The following SETBP1 variants were observed in gnomAD, a reference collection of about 807,000 sequenced individuals.
SETBP1 encodes the protein SET-binding protein.
In SETBP1, 9 loss-of-function variants were observed where a neutral mutation model predicts 101.0. The observed-to-expected ratio is 0.09, with a 90% CI of 0.05 to 0.16. SETBP1 has a LOEUF of 0.16. SETBP1 is among the 10% of genes least tolerant of loss of function. The pLI, the probability that SETBP1 is intolerant of heterozygous loss-of-function variation, is 1.00. For synonymous variants in SETBP1, 818 were observed against 788.5 expected (o/e 1.04, Z -0.63); for missense variants, 1,858 against 2,033.8 (o/e 0.91, Z 1.66).
chr18:44,931,766 G>T (rs916089239), intron 3 of SETBP1, among the ~76,000 whole-genome samples: 1 of 152,098 alleles, frequency 6.6e-6, no homozygotes, highest in Admixed American at 6.5e-5. Flanking sequence ...TGCAACCCCT[G>T]CTTTTTTTTG....
chr18:44,951,338 C>A lies in SETBP1; in HGVS notation c.1998C>A (p.Ile666=). The A allele has an allele frequency of 6.2e-7, 1 of 1,613,830 alleles. No individual in the cohort carries two copies. The highest frequency in any genetic ancestry group is 8.5e-7 in the Non-Finnish European group (1 of 1,180,018). The change falls in exon 4 of 6, where the codon ATC becomes ATA. Residue 666 remains isoleucine, a synonymous_variant. Coordinates refer to ENST00000649279, the MANE Select transcript of SETBP1 (RefSeq NM_015559.3). This position sits in a 1 kb window ranked among gnomAD's most constrained non-coding sequence, Gnocchi z 7.8. ...TGGATAAGAAGACCATCAAAACTATCAATAAGATGAAGACACTCAAGAGGA... is the reference window on the plus strand; with the variant it reads ...TGGATAAGAAGACCATCAAAACTATAAATAAGATGAAGACACTCAAGAGGA... ...GVLDKKTIKT[I]NKMKTLKRKN...
At chr18:45,020,293 A>G (rs867469725) in intron 4 of SETBP1, among the ~76,000 whole-genome samples, 69 of 133,970 alleles carry the variant, frequency 5.2e-4, no homozygotes, top group African/African-American at 2.0e-3. Context: ...AAAAAAAAAA[A>G]AAGTGGCTTC....
chr18:44,872,726 G>A lies in SETBP1; in HGVS notation c.540+3443G>A, dbSNP rs574311516. 2.2e-4 allele frequency among the ~76,000 whole-genome samples: 33 copies of A among 152,348 alleles called. No homozygotes were observed. The South Asian group carries it at 6.4e-3, about 30-fold the overall frequency. The stretch of plus-strand genomic sequence containing the variant: ...TAAACTTTGCAGTAAAGTGCCTGTG[G>A]GTGATGCCCACGTGCTTGTGCACAT... On this transcript the variant is annotated intron_variant, in intron 3 of 5. Coordinates refer to ENST00000649279, the MANE Select transcript of SETBP1 (RefSeq NM_015559.3).
At chr18:44,704,928 C>A (rs917936131) in intron 2 of SETBP1, among the ~76,000 whole-genome samples, 6 of 152,148 alleles carry the variant, frequency 3.9e-5, no homozygotes, top group African/African-American at 1.4e-4. Flanking sequence ...GAAGCAGGTC[C>A]TACACTAGGA....
At chr18:44,847,556 G>A (rs908782296) in intron 2 of SETBP1, among the ~76,000 whole-genome samples, 2 of 152,172 alleles carry the variant, frequency 1.3e-5, no homozygotes, top group Non-Finnish European at 2.9e-5. Flanking sequence ...ACAAAGTAGA[G>A]CTCCCTGATG....
chr18:44,882,968 A>G (rs558757987), intron 3 of SETBP1, among the ~76,000 whole-genome samples: 7 of 152,272 alleles, frequency 4.6e-5, no homozygotes. Context: ...TCCTGCACAC[A>G]CTGGGGACAG....
At chr18:44,915,855 G>A (rs1221060659) in intron 3 of SETBP1, among the ~76,000 whole-genome samples, 1 of 152,196 alleles carries the variant, frequency 6.6e-6, no homozygotes, top group African/African-American at 2.4e-5. Context: ...CAGGGCAGGG[G>A]CAAAGAGACT....
At chr18:45,016,506 G>T (rs912862973) in intron 4 of SETBP1, among the ~76,000 whole-genome samples, 15 of 152,108 alleles carry the variant, frequency 9.9e-5, no homozygotes, top group Admixed American at 2.6e-4. Flanking sequence ...TCTCCGCCAC[G>T]GCTTGTAAGT....
intron 4 of SETBP1, among the ~76,000 whole-genome samples, chr18:44,970,522 A>C (rs1375922634): frequency 6.6e-6 from 1 of 152,186 alleles, no homozygotes; most frequent in Non-Finnish European, 1.5e-5. Flanking sequence ...TTTCAATAGA[A>C]TACATCACTG....
intron 2 of SETBP1, among the ~76,000 whole-genome samples, chr18:44,740,620 A>G (rs2070075406): frequency 6.6e-6 from 1 of 152,196 alleles, no homozygotes; most frequent in African/African-American, 2.4e-5. Flanking sequence ...GCTTTTCCAT[A>G]CATTTCTCGT....
intron 3 of SETBP1, among the ~76,000 whole-genome samples, chr18:44,893,979 A>G (rs549601157): frequency 2.6e-5 from 4 of 152,258 alleles, no homozygotes; most frequent in Admixed American, 2.6e-4. Flanking sequence ...TGGAGGGGAC[A>G]CTTTAGTTTT....
intron 5 of SETBP1, among the ~76,000 whole-genome samples, chr18:45,059,975 A>G (rs527244799): frequency 6.6e-6 from 1 of 152,322 alleles, no homozygotes; most frequent in Non-Finnish European, 1.5e-5. Context: ...AGATAAAATA[A>G]AAGTTCAAGA....
At chr18:44,876,867 A>T (rs1238923530) in intron 3 of SETBP1, 1 of 1,411,666 alleles carries the variant, frequency 7.1e-7, no homozygotes, top group Non-Finnish European at 9.3e-7. Flanking sequence ...TGGGCTTATG[A>T]TCTTCTCTGC....
intron 2 of SETBP1, among the ~76,000 whole-genome samples, chr18:44,764,918 C>G (rs973705313): frequency 1.3e-5 from 2 of 152,200 alleles, no homozygotes; most frequent in Non-Finnish European, 2.9e-5. Flanking sequence ...CACATTGTGT[C>G]CTTGTGCCTA....
At chr18:44,683,955 G>C (rs1468587270) in intron 1 of SETBP1, among the ~76,000 whole-genome samples, 1 of 152,192 alleles carries the variant, frequency 6.6e-6, no homozygotes, top group East Asian at 1.9e-4. Flanking sequence ...CTTTAAAAAT[G>C]GGATGGTGTT....
At chr18:44,835,733 G>A (rs1374970526) in intron 2 of SETBP1, among the ~76,000 whole-genome samples, 1 of 152,154 alleles carries the variant, frequency 6.6e-6, no homozygotes, top group Non-Finnish European at 1.5e-5. Context: ...AGTTCACACG[G>A]CCAAGCCAGA....
chr18:45,051,574 C>A (rs1599497322), intron 5 of SETBP1, among the ~76,000 whole-genome samples: 1 of 152,096 alleles, frequency 6.6e-6, no homozygotes, highest in African/African-American at 2.4e-5. Flanking sequence ...TAAAACTGCT[C>A]TAAAAAAGTC....
At chr18:45,035,124 G>A (rs1219432427) in intron 4 of SETBP1, among the ~76,000 whole-genome samples, 5 of 152,016 alleles carry the variant, frequency 3.3e-5, no homozygotes, top group Non-Finnish European at 5.9e-5. Context: ...CCCCATCACC[G>A]TCTCCTGACA....
intron 4 of SETBP1, among the ~76,000 whole-genome samples, chr18:44,974,822 A>G (rs954010694): frequency 6.6e-5 from 10 of 152,242 alleles, no homozygotes; most frequent in African/African-American, 9.6e-5. Flanking sequence ...TTCACTTTCC[A>G]TTTATGTATA....
Sources: gnomAD v4.1 joint callset for allele counts (sites outside exome capture counted in the v4.1 genomes callset) on GRCh38, gnomAD v4.1.1 for gene constraint, Gnocchi (gnomAD v3.1) non-coding constraint, MANE v1.5 for transcripts, NCBI Gene and HGNC (gene_info 2026-07-23, HGNC 2026-07-21) for gene names.